ARFIP1: variants seen among roughly 807,000 people sequenced by gnomAD.
ARFIP1 encodes ARF interacting protein 1.
Under a neutral mutation model 42.5 loss-of-function variants are expected in ARFIP1, and 24 were observed. The ratio of observed to expected loss-of-function variants is 0.57; its 90% confidence interval spans 0.41 to 0.80. The LOEUF is 0.80. Ranked by LOEUF, ARFIP1 falls within the 30% of genes least tolerant of loss-of-function variation. The pLI, the probability that ARFIP1 is intolerant of heterozygous loss-of-function variation, is 0.00. For missense variants in ARFIP1, 354 were observed against 434.0 expected, an observed-to-expected ratio of 0.82 and a Z score of 1.64; for synonymous variants, 141 against 153.7, an observed-to-expected ratio of 0.92 and a Z score of 0.61.
chr4:152,786,968 A>G (rs867947519), intron 1 of ARFIP1, among the ~76,000 whole-genome samples: 2 of 152,170 alleles, frequency 1.3e-5, no homozygotes, highest in Admixed American at 1.3e-4. Flanking sequence ...GAATATGCTC[A>G]CTTCCCACAT....
chr4:152,869,081 A>G (rs1734653133), intron 3 of ARFIP1, among the ~76,000 whole-genome samples: 1 of 152,174 alleles, frequency 6.6e-6, no homozygotes, highest in African/African-American at 2.4e-5. Context: ...GTTTAGGTCT[A>G]TTGCATGTTT....
At chr4:152,820,553 C>T (rs927635160) in intron 1 of ARFIP1, among the ~76,000 whole-genome samples, 19 of 152,146 alleles carry the variant, frequency 1.2e-4, no homozygotes, top group African/African-American at 4.6e-4. Flanking sequence ...AGGAAACTTA[C>T]AGTCGTAGTG....
intron 5 of ARFIP1, among the ~76,000 whole-genome samples, chr4:152,878,571 G>C (rs1735560422): frequency 6.6e-6 from 1 of 152,120 alleles, no homozygotes; most frequent in Non-Finnish European, 1.5e-5. Context: ...TTATCAGATT[G>C]GAATATATGT....
Position 152,870,783 on chromosome 4 carries a change from T to C in ARFIP1, c.233T>C (p.Met78Thr), listed in dbSNP as rs1323363245. The change falls in exon 4 of 9, where the codon ATG becomes ACG. Residue 78 changes from methionine to threonine, a missense_variant. Physicochemically the swap from Met to Thr is moderately conservative, Grantham distance 81. Transcript: ENST00000353617. ...CCAGCACCGCCACTGCCATCTGTTA[T>C]GTCTCCTAGCAGGGTTGCAGCTAGT... ...GSPAPPLPSV[M>T]SPSRVAASRL... 3 of 1,614,156 alleles carry C rather than the reference T, an allele frequency of 1.9e-6. No homozygotes were observed. Among genetic ancestry groups the C allele is most frequent in the East Asian group, 2.2e-5 (1 of 44,880 alleles).
chr4:152,897,565 G>A (rs899027411), intron 8 of ARFIP1, among the ~76,000 whole-genome samples: 1 of 152,164 alleles, frequency 6.6e-6, no homozygotes, highest in Non-Finnish European at 1.5e-5. Flanking sequence ...GTATATGTTG[G>A]AGGTGAGGGA....
At chr4:152,901,651 A>C (rs935535549) in intron 8 of ARFIP1, among the ~76,000 whole-genome samples, 2 of 152,066 alleles carry the variant, frequency 1.3e-5, no homozygotes, top group Non-Finnish European at 2.9e-5. Flanking sequence ...TGTTACCTCT[A>C]TCTTCTTTTG....
chr4:152,804,460 A>T lies in ARFIP1; in HGVS notation c.-10+24234A>T, dbSNP rs1176289728. On this transcript the variant is annotated intron_variant, in intron 1 of 8. Coordinates refer to ENST00000353617, the MANE Select transcript of ARFIP1 (RefSeq NM_001025595.3). ...AACATGTATTATATATATTATATATAATATATAATATATATAATATATATT... is the reference window on the plus strand; with the variant it reads ...AACATGTATTATATATATTATATATTATATATAATATATATAATATATATT... Among the ~76,000 whole-genome samples the T allele has an allele frequency of 1.3e-3, 139 of 109,628 alleles. 2 individuals carry two copies. The highest frequency in any genetic ancestry group is 4.5e-3 in the African/African-American group (130 of 28,974). 71.9% of individuals were successfully genotyped at this position (109,628 alleles called of 152,430 possible).
At chr4:152,836,106 A>G (rs1731627352) in intron 2 of ARFIP1, among the ~76,000 whole-genome samples, 1 of 152,218 alleles carries the variant, frequency 6.6e-6, no homozygotes. Context: ...GAGGAGACGA[A>G]CATCCAAAAC....
At chr4:152,862,963 G>A (rs970933025) in intron 2 of ARFIP1, among the ~76,000 whole-genome samples, 6 of 152,110 alleles carry the variant, frequency 3.9e-5, no homozygotes, top group Admixed American at 6.5e-5. Context: ...CTAGGATTGT[G>A]CCTTTTAAAG....
chr4:152,870,806 A>T lies in ARFIP1; in HGVS notation c.256A>T (p.Ser86Cys). The T allele has an allele frequency of 6.2e-7, 1 of 1,614,066 alleles. No individual in the cohort carries two copies. ...SVMSPSRVAA[S>C]RLAQQGSDLI... ...TATGTCTCCTAGCAGGGTTGCAGCT[A>T]GTCGACTGGCTCAGCAAGGAAGTGA... is the stretch of plus-strand genomic sequence containing the variant. Residue 86 changes from serine to cysteine, a missense_variant, in exon 4 of 9, where the codon AGT becomes TGT. By Grantham distance (112) the Ser-to-Cys change is moderately radical (BLOSUM62 -1). Transcript: ENST00000353617.
chr4:152,782,928 A>G (rs1447855999), intron 1 of ARFIP1, among the ~76,000 whole-genome samples: 5 of 152,140 alleles, frequency 3.3e-5, no homozygotes, highest in Admixed American at 6.5e-5. Flanking sequence ...ATAGTCTATC[A>G]TGAGTATCCA....
chr4:152,848,899 C>T (rs1283682131), intron 2 of ARFIP1, among the ~76,000 whole-genome samples: 14 of 151,670 alleles, frequency 9.2e-5, no homozygotes, highest in Non-Finnish European at 2.9e-5. Flanking sequence ...CCACGTTACT[C>T]ACACATAAAA....
chr4:152,812,872 C>G (rs1729578641), intron 1 of ARFIP1, among the ~76,000 whole-genome samples: 1 of 152,192 alleles, frequency 6.6e-6, no homozygotes, highest in Admixed American at 6.5e-5. Context: ...CTGTAAGTCT[C>G]TTATTTCTGC....
chr4:152,908,891 A>AGAGT (rs1554037507), intron 8 of ARFIP1, among the ~76,000 whole-genome samples: 1 of 132,464 alleles, frequency 7.5e-6, no homozygotes, highest in Non-Finnish European at 1.6e-5. Flanking sequence ...GCTAGAGAGA[A>AGAGT]GTGTGTGTGT....
intron 8 of ARFIP1, among the ~76,000 whole-genome samples, chr4:152,889,774 CTATA>C (rs1296430021): frequency 1.7e-4 from 6 of 35,978 alleles, no homozygotes; most frequent in Admixed American, 4.1e-4. Flanking sequence ...ATACTATATA[CTATA>C]TATACTATAT....
rs73865260 is a variant in ARFIP1 at position 152,868,681 on chromosome 4, C to G, written c.203-2072C>G. Among the ~76,000 whole-genome samples the G allele has an allele frequency of 4.3e-3, 652 of 152,196 alleles. 4 individuals carry two copies. The highest frequency in any genetic ancestry group is 0.015 in the African/African-American group (610 of 41,530). ...TGTAATAACTAGAACAATAGAGCTC[C>G]TATTCCTGGGGTCAAGACATGGAAG... On this transcript the variant is annotated intron_variant, in intron 3 of 8. Transcript: ENST00000353617.
intron 1 of ARFIP1, among the ~76,000 whole-genome samples, chr4:152,823,285 A>G (rs1309055816): frequency 3.3e-5 from 5 of 151,882 alleles, no homozygotes. Context: ...CATACAAACT[A>G]GAAAATCTAG....
chr4:152,812,012 T>A (rs1184333366), intron 1 of ARFIP1, among the ~76,000 whole-genome samples: 1 of 152,242 alleles, frequency 6.6e-6, no homozygotes, highest in Admixed American at 6.5e-5. Flanking sequence ...GTTACCTACT[T>A]TACGGCATAA....
At chr4:152,901,034 T>C (rs969807866) in intron 8 of ARFIP1, among the ~76,000 whole-genome samples, 3 of 152,132 alleles carry the variant, frequency 2.0e-5, no homozygotes, top group Admixed American at 6.5e-5. Flanking sequence ...GCGATTACTT[T>C]CAGTGGCAAA....
Sources: gnomAD v4.1 joint callset for allele counts (sites outside exome capture counted in the v4.1 genomes callset) on GRCh38, gnomAD v4.1.1 for gene constraint, MANE v1.5 for transcripts, NCBI Gene and HGNC (gene_info 2026-07-23, HGNC 2026-07-21) for gene names.